The following MROH1 variants were observed in gnomAD, a reference collection of about 807,000 sequenced individuals.
MROH1 encodes the protein maestro heat like repeat family member 1.
MROH1 carries 117 observed loss-of-function variants against 116.5 expected under a neutral mutation model. That is an observed-to-expected ratio of 1.00 (90% confidence interval 0.86 to 1.17). The LOEUF (loss-of-function observed/expected upper bound fraction) is 1.17. Among genes scored for constraint, MROH1 ranks in the 50% most tolerant of loss-of-function variants. The pLI, the probability that MROH1 is intolerant of heterozygous loss-of-function variation, is 0.00. For synonymous variants in MROH1, 921 were observed against 583.9 expected (o/e 1.58, Z -8.32); for missense variants, 1,873 against 1,338.5 (o/e 1.40, Z -6.23).
intron 4 of MROH1, chr8:144,175,485 C>A: frequency 8.1e-6 from 8 of 985,358 alleles, no homozygotes; most frequent in Non-Finnish European, 9.6e-6. Flanking sequence ...TTCTTTCCTC[C>A]CCAGTTCCTG....
intron 19 of MROH1, among the ~76,000 whole-genome samples, 197 bp from the exon 20 acceptor site, chr8:144,240,373 C>T (rs1002517493): frequency 2.6e-5 from 4 of 152,190 alleles, no homozygotes; most frequent in African/African-American, 4.8e-5. Context: ...CCCCAAGCGT[C>T]GGGGGCAACC....
At chr8:144,241,691 G>T (rs1841007837) in intron 22 of MROH1, among the ~76,000 whole-genome samples, 174 bp downstream of exon 22, 1 of 152,216 alleles carries the variant, frequency 6.6e-6, no homozygotes, top group Non-Finnish European at 1.5e-5. Context: ...CCAGTGGGGA[G>T]GGCGGCAGAA....
intron 14 of MROH1, among the ~76,000 whole-genome samples, chr8:144,223,644 T>G (rs550444762): frequency 1.9e-4 from 29 of 152,296 alleles, no homozygotes; most frequent in Admixed American, 1.9e-3. Flanking sequence ...CTTTTCTATT[T>G]AAGAAGTTAC....
intron 14 of MROH1, among the ~76,000 whole-genome samples, chr8:144,235,434 C>T (rs898526517): frequency 1.3e-5 from 2 of 152,088 alleles, no homozygotes; most frequent in Non-Finnish European, 1.5e-5. Context: ...TGTCTTGTTC[C>T]TTCTCTTTGT....
At chr8:144,220,911 G>A (rs1010011882) in intron 13 of MROH1, among the ~76,000 whole-genome samples, 27 of 152,202 alleles carry the variant, frequency 1.8e-4, no homozygotes, top group Non-Finnish European at 2.4e-4. Context: ...AGGCCCGCGG[G>A]TCCCTAGCCC....
intron 14 of MROH1, among the ~76,000 whole-genome samples, chr8:144,237,153 A>C (rs896349484): frequency 0.022 from 3,311 of 149,222 alleles, 110 homozygotes; most frequent in African/African-American, 0.075. Context: ...GATCCGCTCA[A>C]CTCGGCCTCC....
In MROH1 at chr8:144,260,378, G is replaced by C. The variant is rs1844793157; in HGVS notation, c.4380+4G>C. ...CATCCGGCCTTTCTTCGACAGTGTA[G>C]GCTGGTTGGGGCAGGGGGAGGGAAG... On this transcript the variant is annotated splice_donor_region_variant and intron_variant, in intron 39 of 43. Coordinates refer to ENST00000326134, the MANE Select transcript of MROH1 (RefSeq NM_032450.3). 1.4e-6 allele frequency: 1 copy of C among 713,260 alleles called. No individual in the cohort carries two copies. The highest frequency in any genetic ancestry group is 1.7e-5 in the African/African-American group (1 of 57,586). 44.2% of individuals were successfully genotyped at this position (713,260 alleles called of 1,614,324 possible).
chr8:144,160,561 G>A (rs59309030), intron 1 of MROH1, among the ~76,000 whole-genome samples: 11,249 of 147,622 alleles, frequency 0.076, 560 homozygotes, highest in African/African-American at 0.28. Flanking sequence ...AGTCTACCAA[G>A]GGTCCCACCG....
chr8:144,255,867 G>A (rs1843650263), intron 35 of MROH1, among the ~76,000 whole-genome samples, 162 bp downstream of exon 35: 1 of 152,248 alleles, frequency 6.6e-6, no homozygotes, highest in African/African-American at 2.4e-5. Context: ...GGGCTGAGCT[G>A]TCAGTGGTGA....
intron 1 of MROH1, among the ~76,000 whole-genome samples, chr8:144,157,677 C>CTTTTTTTTTTTTTTTTTT (rs1164415639): frequency 2.7e-4 from 32 of 117,900 alleles, no homozygotes; most frequent in Non-Finnish European, 4.5e-4. Flanking sequence ...TTCTTTCTTT[C>CTTTTTTTTTTTTTTTTTT]TTTTTTTTTT....
At chr8:144,200,774 C>T in intron 12 of MROH1, 1 of 521,900 alleles carries the variant, frequency 1.9e-6, no homozygotes, top group Non-Finnish European at 3.5e-6. Context: ...CAGCTGGCTG[C>T]AGACACCATG....
Position 144,191,726 on chromosome 8 carries a change from C to T in MROH1, c.726C>T (p.Ala242=), listed in dbSNP as rs370613624. 1.2e-4 allele frequency: 201 copies of T among 1,612,600 alleles called. No homozygotes were observed. In the South Asian group the frequency reaches 2.0e-3, roughly 16 times the overall value. The change falls in exon 9 of 44, where the codon GCC becomes GCT. Residue 242 remains alanine, a synonymous_variant. Transcript: ENST00000326134. ...CTGTCCCCTCTCAGCTCCGTCTTGC[C>T]GTGGTGGAGGCTCTGGGGCCTATGA... The part of the protein sequence containing the change: ...LQSREAKLRL[A]VVEALGPMSH...
At chr8:144,242,053 T>C (rs907730602) in intron 22 of MROH1, among the ~76,000 whole-genome samples, 92 of 152,254 alleles carry the variant, frequency 6.0e-4, no homozygotes, top group Admixed American at 9.8e-4. Context: ...TCTTCTCAGC[T>C]GCCTCCTGCC....
intron 31 of MROH1, among the ~76,000 whole-genome samples, chr8:144,248,173 T>TTC (rs1174297062): frequency 1.3e-5 from 2 of 152,132 alleles, no homozygotes; most frequent in Admixed American, 1.3e-4. Flanking sequence ...TCAAGGTGCT[T>TTC]TGTCTACTGC....
In MROH1 at chr8:144,179,360, T is replaced by G. The variant is rs998833260; in HGVS notation, c.169-95T>G. ...CCTCCTGCACTTGAGGCAGAGAGAT[T>G]TGTGCGGTTTCATCTTGTAGAGACA... On this transcript the variant is annotated intron_variant, in intron 4 of 43. Transcript: ENST00000326134. 2.0e-5 allele frequency: 30 copies of G among 1,530,726 alleles called. No individual in the cohort carries two copies. The African/African-American group carries it at 3.8e-4, about 19-fold the overall frequency. 94.8% of individuals were successfully genotyped at this position (1,530,726 alleles called of 1,614,324 possible).
intron 12 of MROH1, among the ~76,000 whole-genome samples, chr8:144,209,905 C>CAAA (rs35823965): frequency 1.1e-4 from 12 of 109,784 alleles, no homozygotes; most frequent in South Asian, 3.1e-4. Context: ...GACCCTGTCT[C>CAAA]AAAAAAAAAA....
chr8:144,186,120 A>ATTTT (rs35879853), intron 7 of MROH1, among the ~76,000 whole-genome samples: 1 of 137,244 alleles, frequency 7.3e-6, no homozygotes, highest in Non-Finnish European at 1.6e-5. Flanking sequence ...ACAGTTTCCA[A>ATTTT]TTTTTTTTTT....
At chr8:144,160,329 A>C (rs891334717) in intron 1 of MROH1, among the ~76,000 whole-genome samples, 2 of 152,020 alleles carry the variant, frequency 1.3e-5, no homozygotes, top group African/African-American at 4.8e-5. Context: ...CGCTTTCCAC[A>C]CTTTCCACTC....
At chr8:144,171,682 C>A (rs1197274388) in intron 4 of MROH1, among the ~76,000 whole-genome samples, 6 of 152,216 alleles carry the variant, frequency 3.9e-5, no homozygotes, top group Non-Finnish European at 1.5e-5. Context: ...CATGCAGAAG[C>A]TTTAGGTGTT....
Sources: allele counts gnomAD v4.1 joint callset (sites outside exome capture counted in the v4.1 genomes callset), GRCh38; gene constraint gnomAD v4.1.1; transcripts MANE v1.5; gene names NCBI Gene and HGNC (gene_info 2026-07-23, HGNC 2026-07-21).